The following COL19A1 variants were observed in gnomAD, a reference collection of about 807,000 sequenced individuals.
COL19A1 encodes collagen alpha-1(XIX) chain.
COL19A1 carries 159 observed loss-of-function variants against 190.2 expected under a neutral mutation model. The observed-to-expected ratio is 0.84, with a 90% confidence interval of 0.73 to 0.95. The LOEUF (loss-of-function observed/expected upper bound fraction) is 0.95. Ranked by LOEUF, COL19A1 falls within the 40% of genes least tolerant of loss-of-function variation. The pLI, the probability that COL19A1 is intolerant of heterozygous loss-of-function variation, is 0.00. For synonymous variants in COL19A1, 509 were observed against 458.9 expected (o/e 1.11, Z -1.39); for missense variants, 1,418 against 1,431.9 (o/e 0.99, Z 0.16).
intron 2 of COL19A1, among the ~76,000 whole-genome samples, chr6:69,887,769 G>A (rs1241555482): frequency 6.6e-6 from 1 of 152,164 alleles, no homozygotes; most frequent in Non-Finnish European, 1.5e-5. Flanking sequence ...GGGTGAAAAG[G>A]AAGGAAAGGG....
intron 14 of COL19A1, among the ~76,000 whole-genome samples, chr6:70,060,728 A>G (rs2150141422): frequency 6.6e-6 from 1 of 152,260 alleles, no homozygotes; most frequent in African/African-American, 2.4e-5. Flanking sequence ...ATTCCACATT[A>G]CGGTGAGTGT....
At chr6:69,934,874 C>G (rs1773000999) in intron 7 of COL19A1, among the ~76,000 whole-genome samples, 1 of 152,092 alleles carries the variant, frequency 6.6e-6, no homozygotes, top group African/African-American at 2.4e-5. Flanking sequence ...TGCATCTGCT[C>G]TACTTCCAAT....
chr6:69,979,909 G>C (rs553860054), intron 11 of COL19A1, among the ~76,000 whole-genome samples: 1 of 151,664 alleles, frequency 6.6e-6, no homozygotes, highest in South Asian at 2.1e-4. Flanking sequence ...ATCAAAGGGC[G>C]TAAAATAAAA....
intron 4 of COL19A1, 38 bp downstream of exon 4, chr6:69,900,376 T>G: frequency 1.9e-6 from 2 of 1,072,118 alleles, no homozygotes; most frequent in Non-Finnish European, 1.3e-6. Context: ...TTAATAATAC[T>G]TCATAAATTA....
intron 36 of COL19A1, among the ~76,000 whole-genome samples, chr6:70,164,954 C>CA (rs1049743580): frequency 6.6e-6 from 1 of 152,088 alleles, no homozygotes; most frequent in South Asian, 2.1e-4. Flanking sequence ...ACTTTCGTTA[C>CA]AAAAAATGGC....
Position 69,989,946 on chromosome 6 carries a change from G to A in COL19A1, c.1026+27076G>A, listed in dbSNP as rs1934905. Among the ~76,000 whole-genome samples, 238 of 152,118 alleles carry A rather than the reference G, an allele frequency of 1.6e-3. 3 individuals are homozygous for A. Among genetic ancestry groups the A allele is most frequent in the Admixed American group, 0.013 (203 of 15,256 alleles). On this transcript the variant is annotated intron_variant, in intron 11 of 50. Transcript: ENST00000620364. ...CTTATATAAATGCTAGACTTCAATT[G>A]TGAATGAGTAATTTTTGCCTTCATT...
chr6:69,884,357 T>C (rs1582276785), intron 2 of COL19A1, among the ~76,000 whole-genome samples: 1 of 148,240 alleles, frequency 6.7e-6, no homozygotes, highest in African/African-American at 2.5e-5. Flanking sequence ...AAAAAAAAAG[T>C]ATCAGACCAA....
intron 47 of COL19A1, among the ~76,000 whole-genome samples, chr6:70,189,184 A>G (rs558456945): frequency 6.6e-6 from 1 of 152,336 alleles, no homozygotes; most frequent in African/African-American, 2.4e-5. Context: ...TTGTTGTTAC[A>G]AATGAACTAG....
chr6:69,908,226 C>T lies in COL19A1; in HGVS notation c.266+7888C>T, dbSNP rs976412560. Among the ~76,000 whole-genome samples the T allele has an allele frequency of 3.9e-5, 6 of 152,194 alleles. No individual in the cohort carries two copies. In the South Asian group the frequency reaches 6.2e-4, roughly 16 times the overall value. On this transcript the variant is annotated intron_variant, in intron 4 of 50. Transcript: ENST00000620364. ...GAAAACTTGTTCAGAACTCTGATATCGAAGTGTCTCCTTGCTGAGTGTTTT... is the reference window on the plus strand; with the variant it reads ...GAAAACTTGTTCAGAACTCTGATATTGAAGTGTCTCCTTGCTGAGTGTTTT...
intron 9 of COL19A1, among the ~76,000 whole-genome samples, chr6:69,956,832 A>T (rs1174801786): frequency 6.6e-6 from 1 of 152,100 alleles, no homozygotes; most frequent in African/African-American, 2.4e-5. Context: ...CTAAATTTAT[A>T]TAGAAGGTTA....
chr6:70,021,849 A>G (rs1778432277), intron 11 of COL19A1, among the ~76,000 whole-genome samples: 1 of 152,154 alleles, frequency 6.6e-6, no homozygotes, highest in Admixed American at 6.6e-5. Context: ...GCTGTATCGG[A>G]CAGCACAATT....
intron 20 of COL19A1, 116 bp downstream of exon 20, chr6:70,141,105 G>T: frequency 2.3e-6 from 2 of 886,934 alleles, no homozygotes; most frequent in Non-Finnish European, 3.4e-6. Context: ...AGGTCCATGA[G>T]CATTTTACTT....
At chr6:70,095,874 C>T (rs545684895) in intron 15 of COL19A1, among the ~76,000 whole-genome samples, 2 of 152,168 alleles carry the variant, frequency 1.3e-5, no homozygotes, top group Non-Finnish European at 2.9e-5. Context: ...ATTTTCTTCC[C>T]TTTTAAGGCT....
At chr6:70,162,830 C>G (rs1402795892) in intron 35 of COL19A1, among the ~76,000 whole-genome samples, 1 of 152,034 alleles carries the variant, frequency 6.6e-6, no homozygotes, top group Non-Finnish European at 1.5e-5. Flanking sequence ...TTAAATTGTT[C>G]ACTAAAATTA....
chr6:69,930,879 A>G (rs1362764995), intron 6 of COL19A1, among the ~76,000 whole-genome samples: 2 of 152,128 alleles, frequency 1.3e-5, no homozygotes, highest in Non-Finnish European at 2.9e-5. Flanking sequence ...ATCCTTATAA[A>G]AAGGATATAG....
At chr6:70,156,503 G>A (rs1485720463) in intron 33 of COL19A1, 134 bp downstream of exon 33, 1 of 998,446 alleles carries the variant, frequency 1.0e-6, no homozygotes, top group Non-Finnish European at 1.5e-6. Context: ...TGGAGAGAGA[G>A]AGAGAGAGAG....
At chr6:70,024,195 C>G (rs1014071016) in intron 12 of COL19A1, among the ~76,000 whole-genome samples, 2 of 152,112 alleles carry the variant, frequency 1.3e-5, no homozygotes, top group African/African-American at 4.8e-5. Flanking sequence ...CATCTTCTCC[C>G]CTTCCCCTCA....
rs1184824319 is a variant in COL19A1 at position 70,144,934 on chromosome 6, T to C, written c.1697T>C (p.Ile566Thr). The C allele has an allele frequency of 6.3e-7, 1 of 1,581,416 alleles. No homozygotes were observed. Among genetic ancestry groups the C allele is most frequent in the Admixed American group, 1.8e-5 (1 of 56,702 alleles). The change falls in exon 25 of 51, where the codon ATC becomes ACC. Residue 566 changes from isoleucine to threonine, a missense_variant. Physicochemically the swap from Ile to Thr is moderately conservative, Grantham distance 89. Transcript: ENST00000620364. Reference sequence around the variant, plus strand: ...TTTCTACAGGGAGATCCGGGTGGGATCATAGGCCCTCCCGGGCTTCCAGGT... The same window carrying C: ...TTTCTACAGGGAGATCCGGGTGGGACCATAGGCCCTCCCGGGCTTCCAGGT... ...IKGEKGDPGG[I>T]IGPPGLPGPK... is the part of the protein sequence containing the mutation.
intron 22 of COL19A1, among the ~76,000 whole-genome samples, chr6:70,142,476 C>T (rs537936830): frequency 1.4e-4 from 21 of 152,224 alleles, no homozygotes; most frequent in African/African-American, 4.1e-4. Context: ...AAGAGAGCAG[C>T]TTTTGGAAAA....
Sources: allele counts gnomAD v4.1 joint callset (sites outside exome capture counted in the v4.1 genomes callset), GRCh38; gene constraint gnomAD v4.1.1; transcripts MANE v1.5; gene names NCBI Gene and HGNC (gene_info 2026-07-23, HGNC 2026-07-21).